ATP9B: variants seen among roughly 807,000 people sequenced by gnomAD.
ATP9B encodes the protein ATPase phospholipid transporting 9B, also known as probable phospholipid-transporting ATPase IIB.
In ATP9B, 110 loss-of-function variants were observed where a neutral mutation model predicts 146.1. That is an observed-to-expected ratio of 0.75 (90% CI 0.65 to 0.88). The LOEUF is 0.88. Among genes scored for constraint, ATP9B ranks in the 40% least tolerant of loss-of-function variants. The pLI is 0.00. For synonymous variants in ATP9B, 604 were observed against 569.7 expected (o/e 1.06, Z -0.86); for missense variants, 1,499 against 1,496.4 (o/e 1.00, Z -0.03).
intron 7 of ATP9B, among the ~76,000 whole-genome samples, chr18:79,158,137 A>T (rs1418656064): frequency 6.6e-6 from 1 of 152,156 alleles, no homozygotes; most frequent in African/African-American, 2.4e-5. Flanking sequence ...AGGTGTTCAT[A>T]ACTACAAATT....
intron 11 of ATP9B, among the ~76,000 whole-genome samples, chr18:79,240,839 A>G (rs1317112181): frequency 2.0e-5 from 3 of 152,208 alleles, no homozygotes; most frequent in Non-Finnish European, 4.4e-5. Flanking sequence ...GGGCCCTGGG[A>G]ACCTTGGCAT....
intron 12 of ATP9B, among the ~76,000 whole-genome samples, chr18:79,268,617 T>C (rs2096227026): frequency 6.6e-6 from 1 of 152,174 alleles, no homozygotes; most frequent in Non-Finnish European, 1.5e-5. Context: ...TTACACCATT[T>C]TTGTCATTTA....
chr18:79,288,536 A>G (rs971238122), intron 13 of ATP9B, among the ~76,000 whole-genome samples: 1 of 151,956 alleles, frequency 6.6e-6, no homozygotes, highest in African/African-American at 2.4e-5. Flanking sequence ...TTTCCTGAAT[A>G]CAGCACACTG....
intron 1 of ATP9B, among the ~76,000 whole-genome samples, chr18:79,074,559 G>A (rs2072371097): frequency 6.6e-6 from 1 of 152,236 alleles, no homozygotes; most frequent in African/African-American, 2.4e-5. Context: ...CGGGCATGAG[G>A]GGCACAGAGC....
chr18:79,119,899 T>C (rs1246488827), intron 4 of ATP9B, among the ~76,000 whole-genome samples: 2 of 152,222 alleles, frequency 1.3e-5, no homozygotes, highest in East Asian at 1.9e-4. Flanking sequence ...GGAGAGCATA[T>C]TGATTCTTTT....
chr18:79,096,386 C>A, intron 1 of ATP9B, 90 bp from the exon 2 acceptor site: 1 of 1,226,034 alleles, frequency 8.2e-7, no homozygotes. Flanking sequence ...CTGAAGACAG[C>A]CTAATTTGAG....
intron 8 of ATP9B, among the ~76,000 whole-genome samples, chr18:79,188,889 AT>A (rs5826625): frequency 0.55 from 79,348 of 143,940 alleles, 22,570 homozygotes; most frequent in African/African-American, 0.75. Flanking sequence ...GCTTTTTAGC[AT>A]TTTTTTTTTT....
chr18:79,088,281 A>G (rs1176286908), intron 1 of ATP9B, among the ~76,000 whole-genome samples: 1 of 152,256 alleles, frequency 6.6e-6, no homozygotes, highest in Non-Finnish European at 1.5e-5. Flanking sequence ...AACTTAATGA[A>G]AAAGATCAAA....
Position 79,201,113 on chromosome 18 carries a change from A to G in ATP9B, c.955-5824A>G, listed in dbSNP as rs180723989. ...TTTGTGGTTTTCAAGCTAATTAAAGATACATTTACTTTGTGTAAATTACTT... is the reference window on the plus strand; with the variant it reads ...TTTGTGGTTTTCAAGCTAATTAAAGGTACATTTACTTTGTGTAAATTACTT... On this transcript the variant is annotated intron_variant, in intron 9 of 29. Coordinates refer to ENST00000426216, the MANE Select transcript of ATP9B (RefSeq NM_198531.5). Among the ~76,000 whole-genome samples, 7 of 152,350 alleles carry G rather than the reference A, an allele frequency of 4.6e-5. No homozygotes were observed. The East Asian group carries it at 1.4e-3, about 29-fold the overall frequency.
chr18:79,221,825 TA>T (rs1241274695), intron 11 of ATP9B, among the ~76,000 whole-genome samples: 1 of 143,256 alleles, frequency 7.0e-6, no homozygotes, highest in Non-Finnish European at 1.5e-5. Flanking sequence ...TTTTTTTTTT[TA>T]AACTTCTAGT....
chr18:79,262,651 T>C (rs1226234422), intron 12 of ATP9B, among the ~76,000 whole-genome samples: 1 of 152,216 alleles, frequency 6.6e-6, no homozygotes, highest in Non-Finnish European at 1.5e-5. Flanking sequence ...ACAGGAAACC[T>C]GGTTAATACT....
rs373770937 is a variant in ATP9B at position 79,372,890 on chromosome 18, G to A, written c.3070+8G>A. ...TAATAAGTATTTACCAAGGTAAGAC[G>A]AGATCCTTAGTTTACTGGACTAAAG... On this transcript the variant is annotated splice_region_variant and intron_variant, in intron 27 of 29. Transcript: ENST00000426216. 41 of 1,592,768 alleles carry A rather than the reference G, an allele frequency of 2.6e-5. No individual in the cohort carries two copies. Among genetic ancestry groups the A allele is most frequent in the Admixed American group, 3.3e-5 (2 of 59,796 alleles).
chr18:79,260,302 C>T (rs2096126801), intron 12 of ATP9B, among the ~76,000 whole-genome samples: 1 of 152,170 alleles, frequency 6.6e-6, no homozygotes, highest in African/African-American at 2.4e-5. Context: ...CCATCCCACA[C>T]TCATCAAACC....
chr18:79,132,704 A>T (rs1029157392), intron 5 of ATP9B, among the ~76,000 whole-genome samples: 1 of 152,212 alleles, frequency 6.6e-6, no homozygotes, highest in African/African-American at 2.4e-5. Context: ...AGTATTTCAC[A>T]GTTACCTCTT....
Position 79,113,364 on chromosome 18 carries a change from G to T in ATP9B, c.558+10G>T. ...CTACTGGGCTCCTCTGGTAAGAAAA[G>T]ACTTTAAAAATTAAGTTAAATTATG... On this transcript the variant is annotated intron_variant, in intron 4 of 29. Coordinates refer to ENST00000426216, the MANE Select transcript of ATP9B (RefSeq NM_198531.5). The T allele has an allele frequency of 1.4e-6, 2 of 1,421,936 alleles. No homozygotes were observed. The highest frequency in any genetic ancestry group is 9.7e-7 in the Non-Finnish European group (1 of 1,029,728). The allele number at this position is 1,421,936 out of a possible 1,614,324, so 88.1% of individuals were successfully genotyped here.
At position 79,374,183 on chromosome 18, in the gene ATP9B, T is replaced by C. The variant is rs928919987; in HGVS notation, c.3274+82T>C. On this transcript the variant is annotated intron_variant, in intron 28 of 29. Coordinates refer to ENST00000426216, the MANE Select transcript of ATP9B (RefSeq NM_198531.5). The stretch of plus-strand genomic sequence containing the variant: ...TTTCTTATTGTTGCTTCTGAATACA[T>C]TGTGTTAAGTTGTGGATCATGGTAA... 44 of 1,422,972 alleles carry C rather than the reference T, an allele frequency of 3.1e-5. No individual in the cohort carries two copies. The East Asian group carries it at 1.1e-3, about 34-fold the overall frequency. 88.1% of individuals were successfully genotyped at this position (1,422,972 alleles called of 1,614,324 possible).
chr18:79,128,738 G>T (rs1256201155), intron 5 of ATP9B, among the ~76,000 whole-genome samples: 2 of 152,132 alleles, frequency 1.3e-5, no homozygotes, highest in Admixed American at 1.3e-4. Context: ...AGTGGTGATG[G>T]CAGTGAAATG....
intron 25 of ATP9B, among the ~76,000 whole-genome samples, chr18:79,358,867 G>A: frequency 7.0e-6 from 1 of 143,606 alleles, no homozygotes; most frequent in Non-Finnish European, 1.5e-5. Flanking sequence ...GGTGCCCTGG[G>A]TCTGGAGGTG....
In ATP9B at chr18:79,126,311, A is replaced by ATTTCGGCGT; in HGVS notation, c.608_616dup (p.Arg203_Phe205dup). The stretch of plus-strand genomic sequence containing the variant: ...CTATGACACGGGAAGCAATTGATGA[A>ATTTCGGCGT]TTTCGGCGTTTTCAGCGTGACAAGG... On this transcript the variant is annotated inframe_insertion, in exon 5 of 30. Transcript: ENST00000426216. 1 of 1,612,174 alleles carries ATTTCGGCGT rather than the reference A, an allele frequency of 6.2e-7. No individual in the cohort carries two copies. Among genetic ancestry groups the ATTTCGGCGT allele is most frequent in the Non-Finnish European group, 8.5e-7 (1 of 1,178,698 alleles).
Sources: allele counts gnomAD v4.1 joint callset (sites outside exome capture counted in the v4.1 genomes callset), GRCh38; gene constraint gnomAD v4.1.1; transcripts MANE v1.5; gene names NCBI Gene and HGNC (gene_info 2026-07-23, HGNC 2026-07-21).